SNRPN: variants seen among roughly 807,000 people sequenced by gnomAD.
SNRPN encodes the protein small nuclear ribonucleoprotein-associated protein N.
A neutral mutation model predicts 25.2 loss-of-function variants in SNRPN; 7 were observed. That is an observed-to-expected ratio of 0.28 (90% CI 0.16 to 0.52). The LOEUF (loss-of-function observed/expected upper bound fraction) is 0.52. SNRPN is among the 20% of genes least tolerant of loss of function. The pLI is 0.96. For missense variants in SNRPN, 196 were observed against 322.5 expected (o/e 0.61, Z 3.00); for synonymous variants, 124 against 110.6 (o/e 1.12, Z -0.76).
At chr15:24,878,518 G>T (rs564760840) in intron 1 of SNRPN, among the ~76,000 whole-genome samples, 2 of 152,314 alleles carry the variant, frequency 1.3e-5, no homozygotes, top group African/African-American at 4.8e-5. Context: ...GGCGCCCGCC[G>T]GGAGTCTCCC....
chr15:24,919,066 T>A (rs577641707), intron 2 of SNRPN, among the ~76,000 whole-genome samples: 1 of 147,282 alleles, frequency 6.8e-6, no homozygotes, highest in East Asian at 2.0e-4. Flanking sequence ...CATATATATA[T>A]AACATAATAT....
intron 4 of SNRPN, 121 bp from the exon 5 acceptor site, chr15:24,975,237 G>A (rs1162257679): frequency 4.1e-6 from 3 of 732,730 alleles, no homozygotes; most frequent in South Asian, 3.5e-5. Context: ...AAAAAGGAGA[G>A]AATATTTGTT....
chr15:24,974,539 G>C, intron 4 of SNRPN, 83 bp downstream of exon 4: 1 of 1,294,564 alleles, frequency 7.7e-7, no homozygotes, highest in Non-Finnish European at 1.1e-6. Context: ...AGTGATCTTG[G>C]GTTCTGAATG....
At position 24,957,393 on chromosome 15, in the gene SNRPN, C is replaced by T. The variant is rs571917950; in HGVS notation, c.-391+2331C>T. Among the ~76,000 whole-genome samples, 26 of 152,230 alleles carry T rather than the reference C, an allele frequency of 1.7e-4. No individual in the cohort carries two copies. In the South Asian group the frequency reaches 5.4e-3, roughly 32 times the overall value. ...GGTTGTGCTTTGGATCAGTTACTGT[C>T]TTTTTTTGGATTTTTAAATTAATGA... is the stretch of plus-strand genomic sequence containing the variant. On this transcript the variant is annotated intron_variant, in intron 1 of 9. Transcript: ENST00000390687.
intron 2 of SNRPN, among the ~76,000 whole-genome samples, chr15:24,911,889 C>T (rs73354110): frequency 0.014 from 2,167 of 152,238 alleles, 61 homozygotes; most frequent in African/African-American, 0.049. Context: ...CCTGTAGATC[C>T]GGTAGTGCGT....
chr15:24,858,631 TAA>T (rs113103103), intron 1 of SNRPN, among the ~76,000 whole-genome samples: 1 of 144,396 alleles, frequency 6.9e-6, no homozygotes, highest in East Asian at 2.0e-4. Flanking sequence ...CCTGTCTACT[TAA>T]AAAAAAAAAA....
At position 24,918,941 on chromosome 15, in the gene SNRPN, A is replaced by G. The variant is rs1379029711; in HGVS notation, c.-504-1070A>G. 2.0e-4 allele frequency among the ~76,000 whole-genome samples: 23 copies of G among 112,282 alleles called. 8 individuals are homozygous for G. The highest frequency in any genetic ancestry group is 3.1e-4 in the Admixed American group (3 of 9,660). The allele number at this position is 112,282 out of a possible 152,430, so 73.7% of individuals were successfully genotyped here. ...TAACATAATATATATATGCGCACAT[A>G]TATATAACATAATATATATGCGCGC... On this transcript the variant is annotated intron_variant, in intron 2 of 11. Coordinates refer to the SNRPN transcript ENST00000400097.
At chr15:24,940,630 T>C (rs1452430297) in intron 3 of SNRPN, among the ~76,000 whole-genome samples, 1 of 152,186 alleles carries the variant, frequency 6.6e-6, no homozygotes, top group Non-Finnish European at 1.5e-5. Context: ...ATGTGACTTG[T>C]AGGACTACGT....
chr15:24,955,206 C>T (rs926116276), intron 1 of SNRPN, 144 bp downstream of exon 1: 7 of 1,160,750 alleles, frequency 6.0e-6, no homozygotes, highest in South Asian at 4.0e-5. Flanking sequence ...GAACCAGATC[C>T]GGAATGTTCA....
At chr15:24,950,113 C>T (rs1391659703), upstream of SNRPN, among the ~76,000 whole-genome samples, 5 of 152,112 alleles carry the variant, frequency 3.3e-5, no homozygotes, top group African/African-American at 1.2e-4. Context: ...TGAGCCATTG[C>T]ACCTGGCCTC....
In SNRPN at chr15:24,977,875, G is replaced by T; in HGVS notation, c.518G>T (p.Gly173Val). 1 of 1,607,462 alleles carries T rather than the reference G, an allele frequency of 6.2e-7. No individual in the cohort carries two copies. Among genetic ancestry groups the T allele is most frequent in the Non-Finnish European group, 8.5e-7 (1 of 1,176,658 alleles). Residue 173 changes from glycine (G) to valine (V), a missense_variant, in exon 8 of 10, where the codon GGC (glycine) becomes GTC (valine). Gly to Val is a moderately radical substitution (Grantham distance 109, BLOSUM62 -3). Coordinates refer to ENST00000390687, the MANE Select transcript of SNRPN (RefSeq NM_003097.6). ...CCAACACAGTACCCACCAGGACGGG[G>T]CACTCCGCCCCCACCCGTCGGCAGA... Reference protein sequence around the residue: ...GAPTQYPPGRGTPPPPVGRAT... With the variant: ...GAPTQYPPGRVTPPPPVGRAT...
chr15:24,842,741 T>C (rs757819565), intron 2 of SNRPN, among the ~76,000 whole-genome samples: 7 of 152,170 alleles, frequency 4.6e-5, no homozygotes, highest in Non-Finnish European at 8.8e-5. Context: ...GCTCAGAATA[T>C]TGCATTCCAG....
At chr15:24,893,626 A>G (rs924850761) in intron 2 of SNRPN, among the ~76,000 whole-genome samples, 1 of 152,052 alleles carries the variant, frequency 6.6e-6, no homozygotes, top group South Asian at 2.1e-4. Context: ...TCAAATATAT[A>G]TAATTTTTTT....
chr15:24,970,377 C>T (rs1596304805), intron 3 of SNRPN, among the ~76,000 whole-genome samples: 3 of 152,040 alleles, frequency 2.0e-5, no homozygotes, highest in Admixed American at 2.0e-4. Context: ...GTCAGAAGTT[C>T]GAGACCAACC....
At chr15:24,854,268 A>C (rs2053172029), upstream of SNRPN, among the ~76,000 whole-genome samples, 1 of 152,176 alleles carries the variant, frequency 6.6e-6, no homozygotes, top group Non-Finnish European at 1.5e-5. Context: ...GTTTCCACTA[A>C]CTGTAGGGGA....
intron 2 of SNRPN, among the ~76,000 whole-genome samples, chr15:24,846,884 T>A (rs1261126141): frequency 6.6e-6 from 1 of 152,126 alleles, no homozygotes; most frequent in Non-Finnish European, 1.5e-5. Flanking sequence ...AAATGGGAAT[T>A]TGGGAGTCTT....
At chr15:24,914,470 G>A (rs1317772083) in intron 2 of SNRPN, among the ~76,000 whole-genome samples, 3 of 152,040 alleles carry the variant, frequency 2.0e-5, no homozygotes, top group African/African-American at 7.2e-5. Context: ...TGAGGCAAGG[G>A]GATCGATCAC....
intron 2 of SNRPN, among the ~76,000 whole-genome samples, chr15:24,842,317 G>A (rs1046044477): frequency 1.4e-4 from 22 of 152,156 alleles, no homozygotes; most frequent in Non-Finnish European, 2.2e-4. Context: ...TGCATCCTCC[G>A]CTGCAGTGCT....
At chr15:24,967,695 C>T (rs999719790) in intron 2 of SNRPN, among the ~76,000 whole-genome samples, 1 of 149,106 alleles carries the variant, frequency 6.7e-6, no homozygotes, top group African/African-American at 2.5e-5. Context: ...GTAATCCCAG[C>T]TACTTGGGAG....
Sources: gnomAD v4.1 joint callset for allele counts (sites outside exome capture counted in the v4.1 genomes callset) on GRCh38, gnomAD v4.1.1 for gene constraint, MANE v1.5 for transcripts, NCBI Gene and HGNC (gene_info 2026-07-23, HGNC 2026-07-21) for gene names.